The following LYG2 variants were observed in gnomAD, a reference collection of about 807,000 sequenced individuals.
LYG2 encodes lysozyme g2, also known as lysozyme g-like protein 2.
Under a neutral mutation model 22.4 loss-of-function variants are expected in LYG2, and 25 were observed. The observed-to-expected ratio is 1.12, with a 90% CI of 0.81 to 1.56. The LOEUF (loss-of-function observed/expected upper bound fraction) is 1.56, where lower values mean the gene tolerates loss of function less well. LYG2 is among the 40% of genes most tolerant of loss of function. LYG2 has a pLI of 0.00. For synonymous variants in LYG2, 88 were observed against 97.0 expected, an observed-to-expected ratio of 0.91 and a Z score of 0.55; for missense variants, 266 against 269.5, an observed-to-expected ratio of 0.99 and a Z score of 0.09.
chr2:99,248,739 T>A (rs1185271866), intron 3 of LYG2, among the ~76,000 whole-genome samples: 3 of 147,014 alleles, frequency 2.0e-5, no homozygotes, highest in African/African-American at 7.6e-5. Context: ...ATAATAATAA[T>A]AAAATAAAAT....
At chr2:99,250,373 CTT>C (rs531807991) in intron 3 of LYG2, among the ~76,000 whole-genome samples, 9 of 130,340 alleles carry the variant, frequency 6.9e-5, no homozygotes, top group Non-Finnish European at 6.5e-5. Context: ...TTTTCCAACT[CTT>C]TTTTTTTTTT....
chr2:99,245,360 G>A lies in LYG2; in HGVS notation c.283C>T (p.Pro95Ser). 6.8e-6 allele frequency: 11 copies of A among 1,613,342 alleles called. No individual in the cohort carries two copies. The highest frequency in any genetic ancestry group is 9.3e-6 in the Non-Finnish European group (11 of 1,179,646). Residue 95 changes from proline (P) to serine (S), a missense_variant, in exon 5 of 7, where the codon CCT (proline) becomes TCT (serine). Transcript: ENST00000333017. ...GAGATGATGGCTGCGATGACAGCAG[G>A]GTCCACGCAATGTCTCTGCCCGACT... ...KEVGQRHCVD[P>S]AVIAAIISRE...
intron 3 of LYG2, 49 bp from the exon 4 acceptor site, chr2:99,246,869 T>C (rs2094016980): frequency 1.3e-6 from 2 of 1,578,430 alleles, no homozygotes; most frequent in South Asian, 1.2e-5. Flanking sequence ...AAGATATTAC[T>C]TGGGTTGCTG....
intron 3 of LYG2, among the ~76,000 whole-genome samples, chr2:99,250,278 A>G (rs1366663235): frequency 6.6e-6 from 1 of 152,226 alleles, no homozygotes; most frequent in Non-Finnish European, 1.5e-5. Flanking sequence ...AGACAAAAAA[A>G]GAAAATAGTC....
Position 99,244,001 on chromosome 2 carries a change from T to G in LYG2, c.518A>C (p.Lys173Thr), listed in dbSNP as rs752724171. Residue 173 changes from lysine (K) to threonine (T), a missense_variant and splice_region_variant, in exon 6 of 7, where the codon AAA (lysine) becomes ACA (threonine). Lys to Thr is a moderately conservative substitution (Grantham distance 78). Transcript: ENST00000333017. ...AAAGTACTCAGAATACAGCCTACCT[T>G]TGAGGTGCTGAGCAACACTCCACGT... ...FPTWSVAQHL[K>T]GGLSAFKSGI... 143 of 1,613,978 alleles carry G rather than the reference T, an allele frequency of 8.9e-5. No individual in the cohort carries two copies. Among genetic ancestry groups the G allele is most frequent in the Non-Finnish European group, 1.1e-4 (132 of 1,180,020 alleles).
At chr2:99,244,943 T>C (rs1186520065) in intron 5 of LYG2, among the ~76,000 whole-genome samples, 1 of 151,940 alleles carries the variant, frequency 6.6e-6, no homozygotes, top group Non-Finnish European at 1.5e-5. Flanking sequence ...AAATCCCGTC[T>C]CTACTAAAAA....
intron 3 of LYG2, among the ~76,000 whole-genome samples, chr2:99,247,877 A>G (rs2105272055): frequency 6.6e-6 from 1 of 152,110 alleles, no homozygotes; most frequent in South Asian, 2.1e-4. Context: ...ACTCAAACAA[A>G]TTTACAAGAA....
At chr2:99,255,804 C>T (rs767340449), upstream of LYG2, among the ~76,000 whole-genome samples, 2 of 152,086 alleles carry the variant, frequency 1.3e-5, no homozygotes, top group South Asian at 2.1e-4. Flanking sequence ...GGAGTAGCAA[C>T]GTGAGTGCTC....
chr2:99,248,939 T>A (rs1025667820), intron 3 of LYG2, among the ~76,000 whole-genome samples: 3 of 152,152 alleles, frequency 2.0e-5, no homozygotes, highest in African/African-American at 7.2e-5. Flanking sequence ...ATAATTTAAG[T>A]CAAATCTATT....
Position 99,246,737 on chromosome 2 carries a change from T to C in LYG2, c.127A>G (p.Ile43Val), listed in dbSNP as rs1386249365. The C allele has an allele frequency of 1.9e-6, 3 of 1,614,068 alleles. No homozygotes were observed. The highest frequency in any genetic ancestry group is 3.3e-5 in the Admixed American group (2 of 60,000). Residue 43 changes from isoleucine to valine, a missense_variant, in exon 4 of 7, where the codon ATC (isoleucine) becomes GTC (valine). Physicochemically the swap from Ile to Val is conservative, Grantham distance 29. Coordinates refer to ENST00000333017, the MANE Select transcript of LYG2 (RefSeq NM_175735.4). ...PRLYHGCYGD[I>V]MTMKTSGATC... ...GCCCCAGAGGTCTTCATGGTCATGA[T>C]GTCCCCATAGCAGCCGTGGTACAGG... is the stretch of plus-strand genomic sequence containing the variant.
intron 3 of LYG2, among the ~76,000 whole-genome samples, chr2:99,247,560 T>G (rs927253663): frequency 6.6e-6 from 1 of 152,072 alleles, no homozygotes; most frequent in Non-Finnish European, 1.5e-5. Flanking sequence ...CAGTACCTGA[T>G]GTGTAGTTTT....
chr2:99,243,518 A>T (rs1256894895), intron 6 of LYG2: 1 of 1,518,602 alleles, frequency 6.6e-7, no homozygotes, highest in South Asian at 1.2e-5. Flanking sequence ...AGATAGATAG[A>T]TAGATAGATA....
chr2:99,261,099 C>T, the LYG2 span, among the ~76,000 whole-genome samples: 14 of 152,172 alleles, frequency 9.2e-5, no homozygotes, highest in African/African-American at 3.4e-4. Context: ...GGGTCTGACA[C>T]GGCAACCTAA....
At chr2:99,252,332 T>C (rs2094028130) in intron 3 of LYG2, among the ~76,000 whole-genome samples, 1 of 148,040 alleles carries the variant, frequency 6.8e-6, no homozygotes, top group South Asian at 2.2e-4. Context: ...GGATTACAGG[T>C]GTGAGCCACC....
intron 6 of LYG2, chr2:99,243,764 C>A (rs1005155144): frequency 4.2e-6 from 2 of 474,894 alleles, no homozygotes. Context: ...CTCAATAGCT[C>A]AGTAAGCAAT....
chr2:99,251,021 A>G (rs2094025541), intron 3 of LYG2, among the ~76,000 whole-genome samples: 1 of 152,232 alleles, frequency 6.6e-6, no homozygotes, highest in African/African-American at 2.4e-5. Context: ...ACAATCGTAT[A>G]TTTTGTGTGA....
At chr2:99,250,437 C>T (rs991614208) in intron 3 of LYG2, among the ~76,000 whole-genome samples, 10 of 143,756 alleles carry the variant, frequency 7.0e-5, no homozygotes, top group African/African-American at 1.6e-4. Flanking sequence ...TACAGTGGTG[C>T]GATCATGGCT....
chr2:99,249,226 G>A (rs1333202938), intron 3 of LYG2, among the ~76,000 whole-genome samples: 1 of 152,016 alleles, frequency 6.6e-6, no homozygotes, highest in Non-Finnish European at 1.5e-5. Flanking sequence ...TTTGAGACCA[G>A]CCTATGCAAC....
intron 3 of LYG2, 42 bp from the exon 4 acceptor site, chr2:99,246,862 A>T (rs1277484537): frequency 6.3e-7 from 1 of 1,588,374 alleles, no homozygotes; most frequent in South Asian, 1.2e-5. Context: ...CTCTGAGAAG[A>T]TATTACTTGG....
Sources: allele counts gnomAD v4.1 joint callset (sites outside exome capture counted in the v4.1 genomes callset), GRCh38; gene constraint gnomAD v4.1.1; transcripts MANE v1.5; gene names NCBI Gene and HGNC (gene_info 2026-07-23, HGNC 2026-07-21).